Variants in SMYD4 observed in about 807,000 individuals in gnomAD.
The protein encoded by SMYD4 is protein-lysine N-methyltransferase SMYD4.
SMYD4 carries 68 observed loss-of-function variants against 72.8 expected under a neutral mutation model. The ratio of observed to expected loss-of-function variants is 0.93; its 90% confidence interval spans 0.77 to 1.14. The LOEUF is 1.14. Ranked by LOEUF, SMYD4 falls within the 50% of genes most tolerant of loss-of-function variation. SMYD4 has a pLI of 0.00. For synonymous variants in SMYD4, 407 were observed against 388.6 expected, an observed-to-expected ratio of 1.05 and a Z score of -0.56; for missense variants, 984 against 1,003.7, an observed-to-expected ratio of 0.98 and a Z score of 0.27.
intron 2 of SMYD4, among the ~76,000 whole-genome samples, chr17:1,813,103 C>T (rs113879655): frequency 6.6e-6 from 1 of 152,032 alleles, no homozygotes; most frequent in African/African-American, 2.4e-5. Flanking sequence ...CACGTTCAGC[C>T]AATTTTTGTA....
At chr17:1,824,769 G>T (rs1694963103) in intron 2 of SMYD4, among the ~76,000 whole-genome samples, 1 of 152,054 alleles carries the variant, frequency 6.6e-6, no homozygotes, top group South Asian at 2.1e-4. Context: ...ACAGGCACAT[G>T]CCGCAATGCC....
At chr17:1,787,843 C>G (rs1908787771) in intron 5 of SMYD4, among the ~76,000 whole-genome samples, 1 of 151,948 alleles carries the variant, frequency 6.6e-6, no homozygotes, top group Non-Finnish European at 1.5e-5. Flanking sequence ...ACGACTGTGT[C>G]TCTACACCAC....
chr17:1,821,379 T>C (rs1389498282), intron 2 of SMYD4, among the ~76,000 whole-genome samples: 2 of 151,768 alleles, frequency 1.3e-5, no homozygotes, highest in African/African-American at 4.8e-5. Flanking sequence ...CTGGGCGCGG[T>C]GGTGCATGCC....
intron 1 of SMYD4, among the ~76,000 whole-genome samples, chr17:1,828,900 T>C (rs1304390115): frequency 1.3e-5 from 2 of 152,180 alleles, no homozygotes; most frequent in South Asian, 4.1e-4. Flanking sequence ...CCCGGCCTGA[T>C]CCCTCTCTAG....
At chr17:1,802,165 G>A (rs749869935) in intron 4 of SMYD4, among the ~76,000 whole-genome samples, 1 of 152,158 alleles carries the variant, frequency 6.6e-6, no homozygotes, top group African/African-American at 2.4e-5. Context: ...CTGGAACACA[G>A]TATGTGCTCA....
At chr17:1,812,457 T>G (rs1910375568) in intron 2 of SMYD4, among the ~76,000 whole-genome samples, 1 of 151,804 alleles carries the variant, frequency 6.6e-6, no homozygotes, top group African/African-American at 2.4e-5. Flanking sequence ...CAGGCCTGGC[T>G]AATGTTTGTA....
chr17:1,809,763 G>A (rs576885061), intron 3 of SMYD4, among the ~76,000 whole-genome samples: 175 of 151,372 alleles, frequency 1.2e-3, no homozygotes, highest in African/African-American at 4.0e-3. Flanking sequence ...TCCGCCTCCC[G>A]GGTTCACGCC....
At chr17:1,795,608 A>G (rs898437723) in intron 5 of SMYD4, among the ~76,000 whole-genome samples, 2 of 151,674 alleles carry the variant, frequency 1.3e-5, no homozygotes, top group East Asian at 2.0e-4. Flanking sequence ...ACGCACAGCT[A>G]ATTTTTGTAT....
At chr17:1,822,269 CAGTT>C (rs1368925468) in intron 2 of SMYD4, among the ~76,000 whole-genome samples, 1 of 151,844 alleles carries the variant, frequency 6.6e-6, no homozygotes, top group Non-Finnish European at 1.5e-5. Context: ...CCAGAAGAAA[CAGTT>C]AATTTAAAGT....
intron 2 of SMYD4, among the ~76,000 whole-genome samples, chr17:1,817,785 T>C (rs1384349964): frequency 3.3e-5 from 5 of 152,096 alleles, no homozygotes. Context: ...CCGGGCACAG[T>C]GGATCACGCC....
chr17:1,796,281 A>G (rs1349179516), intron 5 of SMYD4, among the ~76,000 whole-genome samples: 3 of 138,428 alleles, frequency 2.2e-5, no homozygotes, highest in Non-Finnish European at 4.6e-5. Context: ...CCACAGGCAC[A>G]TGCCACCATG....
chr17:1,794,105 A>ATTTTT (rs59420310), intron 5 of SMYD4, among the ~76,000 whole-genome samples: 290 of 13,006 alleles, frequency 0.022, 70 homozygotes, highest in Non-Finnish European at 0.033. Flanking sequence ...ATATATATAT[A>ATTTTT]TTTTTTTTTT....
chr17:1,784,260 C>T, intron 8 of SMYD4, 66 bp downstream of exon 8: 2 of 1,606,172 alleles, frequency 1.2e-6, no homozygotes, highest in Admixed American at 1.7e-5. Context: ...ATCCCTGAGT[C>T]CAAAACGGTA....
intron 4 of SMYD4, 86 bp from the exon 5 acceptor site, chr17:1,801,110 A>G: frequency 7.9e-7 from 1 of 1,260,706 alleles, no homozygotes. Flanking sequence ...TCTACAGGAA[A>G]GTTAAGGATT....
At chr17:1,827,636 C>G (rs1911259889) in intron 2 of SMYD4, among the ~76,000 whole-genome samples, 1 of 152,054 alleles carries the variant, frequency 6.6e-6, no homozygotes, top group Non-Finnish European at 1.5e-5. Context: ...CATTTTCCAT[C>G]AAAAAGAGAT....
intron 10 of SMYD4, chr17:1,781,876 T>G: frequency 6.1e-6 from 1 of 163,010 alleles, no homozygotes; most frequent in Non-Finnish European, 1.3e-5. Context: ...CATAGCAGTT[T>G]TCATTTTAGG....
chr17:1,782,278 G>C (rs865927820), intron 10 of SMYD4: 6 of 152,078 alleles, frequency 3.9e-5, no homozygotes, highest in African/African-American at 7.2e-5. Flanking sequence ...GGGTTGGTGG[G>C]GGGGGCACTG....
At chr17:1,811,342 A>C (rs1254942230) in intron 3 of SMYD4, among the ~76,000 whole-genome samples, 1 of 152,120 alleles carries the variant, frequency 6.6e-6, no homozygotes, top group Non-Finnish European at 1.5e-5. Flanking sequence ...TAGTCAGGCT[A>C]ATTTAAAAAA....
At chr17:1,785,055 G>A (rs1908583947) in intron 7 of SMYD4, among the ~76,000 whole-genome samples, 1 of 149,564 alleles carries the variant, frequency 6.7e-6, no homozygotes, top group Admixed American at 6.6e-5. Context: ...CCAAAGTGCT[G>A]GGATTACAGG....
Sources: gnomAD v4.1 joint callset for allele counts (sites outside exome capture counted in the v4.1 genomes callset) on GRCh38, gnomAD v4.1.1 for gene constraint, MANE v1.5 for transcripts, NCBI Gene and HGNC (gene_info 2026-07-23, HGNC 2026-07-21) for gene names.